The following MED17 variants were observed in gnomAD, a reference collection of about 807,000 sequenced individuals.
MED17 encodes mediator of RNA polymerase II transcription subunit 17.
In MED17, 49 loss-of-function variants were observed where a neutral mutation model predicts 80.8. The observed-to-expected ratio is 0.61, with a 90% CI of 0.48 to 0.77. The LOEUF is 0.77. MED17 is among the 30% of genes least tolerant of loss of function. The pLI is 0.00. For missense variants in MED17, 718 were observed against 787.0 expected, an observed-to-expected ratio of 0.91 and a Z score of 1.05; for synonymous variants, 281 against 280.4, an observed-to-expected ratio of 1.00 and a Z score of -0.02.
chr11:93,810,004 G>A (rs1004214456), intron 11 of MED17, 128 bp downstream of exon 11: 63 of 928,190 alleles, frequency 6.8e-5, no homozygotes, highest in Middle Eastern at 2.2e-4. Flanking sequence ...TATTTACACC[G>A]AATGTTTATT....
intron 7 of MED17, 135 bp from the exon 8 acceptor site, chr11:93,797,400 T>C: frequency 1.2e-6 from 1 of 831,142 alleles, no homozygotes; most frequent in Admixed American, 2.0e-5. Flanking sequence ...GCTAGCATTT[T>C]TCTCCAAGGT....
chr11:93,807,574 A>G lies in MED17; in HGVS notation c.1523A>G (p.Asp508Gly). 6.2e-7 allele frequency: 1 copy of G among 1,613,744 alleles called. No individual in the cohort carries two copies. The highest frequency in any genetic ancestry group is 8.5e-7 in the Non-Finnish European group (1 of 1,179,704). Residue 508 changes from aspartate to glycine, a missense_variant, in exon 10 of 12, where the codon GAT becomes GGT. Physicochemically the swap from Asp to Gly is moderately conservative, Grantham distance 94. Coordinates refer to ENST00000251871, the MANE Select transcript of MED17 (RefSeq NM_004268.5). ...GVEQIRVVHR[D>G]GRVITLSYQE... is the part of the protein sequence containing the mutation. ...GAGCAGATTCGAGTTGTACATAGAGATGGAAGAGTAATTACACTGTCTTAT... is the reference window on the plus strand; with the variant it reads ...GAGCAGATTCGAGTTGTACATAGAGGTGGAAGAGTAATTACACTGTCTTAT...
At chr11:93,804,018 T>C (rs1258413394) in intron 9 of MED17, among the ~76,000 whole-genome samples, 2 of 118,626 alleles carry the variant, frequency 1.7e-5, no homozygotes, top group East Asian at 7.7e-4. Context: ...TATATATATA[T>C]ATATATATAC....
At chr11:93,803,012 C>T (rs1309022470) in intron 9 of MED17, among the ~76,000 whole-genome samples, 2 of 152,038 alleles carry the variant, frequency 1.3e-5, no homozygotes, top group African/African-American at 2.4e-5. Flanking sequence ...CTTTTTGTCT[C>T]AGTTTGTGTT....
rs753523934 is a variant in MED17 at position 93,807,615 on chromosome 11, C to G, written c.1564C>G (p.Gln522Glu). The G allele has an allele frequency of 5.0e-6, 8 of 1,609,204 alleles. No homozygotes were observed. In the East Asian group the frequency reaches 1.8e-4, roughly 36 times the overall value. ...ITLSYQEQEL[Q>E]DFLLSQMSQH... is the part of the protein sequence containing the mutation. ...ACTGTCTTATCAGGAGCAGGAGCTA[C>G]AGGATTTTCTTCTGTCTCAGGTAAC... The change falls in exon 10 of 12, where the codon CAG (glutamine) becomes GAG (glutamate). Residue 522 changes from glutamine to glutamate, a missense_variant. Transcript: ENST00000251871.
chr11:93,789,369 T>A (rs1287922475), intron 2 of MED17: 2 of 152,202 alleles, frequency 1.3e-5, no homozygotes, highest in East Asian at 3.9e-4. Context: ...CTCCAGCACC[T>A]AACTCATAGC....
At chr11:93,794,199 ATTTTTTTT>A (rs35300764) in intron 5 of MED17, 164 bp downstream of exon 5, 5 of 328,230 alleles carry the variant, frequency 1.5e-5, no homozygotes, top group African/African-American at 8.7e-5. Context: ...TAGCTGTGCA[ATTTTTTTT>A]TTTTTTTTTT....
chr11:93,812,074 G>A lies in MED17; in HGVS notation c.*10G>A, dbSNP rs918145258. The A allele has an allele frequency of 1.4e-5, 22 of 1,612,372 alleles. No individual in the cohort carries two copies. The highest frequency in any genetic ancestry group is 1.9e-5 in the Non-Finnish European group (22 of 1,178,526). ...CCCTTGTCTACTATGATTTTTTCCA[G>A]ATGTTTCCTAAAGAAGTTTCCAGAA... On this transcript the variant is annotated 3_prime_UTR_variant, in exon 12 of 12. Transcript: ENST00000251871.
Position 93,784,347 on chromosome 11 carries a change from A to T in MED17, c.-167A>T, listed in dbSNP as rs1013285177. ...TGCGTTCTGGGAAAGTTGCTGGGCC[A>T]GCTCCTTTGTTTCCAGTCTGAGCGT... On this transcript the variant is annotated 5_prime_UTR_variant, in exon 1 of 12. Transcript: ENST00000251871. 84 of 890,432 alleles carry T rather than the reference A, an allele frequency of 9.4e-5. No homozygotes were observed. Among genetic ancestry groups the T allele is most frequent in the Non-Finnish European group, 1.1e-4 (70 of 608,772 alleles). 55.2% of individuals were successfully genotyped at this position (890,432 alleles called of 1,614,324 possible).
chr11:93,801,289 T>G (rs1943959165), intron 8 of MED17: 1 of 155,774 alleles, frequency 6.4e-6, no homozygotes, highest in Admixed American at 6.3e-5. Flanking sequence ...TGCTGTATAA[T>G]GAACACTTGA....
At chr11:93,809,954 G>A in intron 11 of MED17, 78 bp downstream of exon 11, 1 of 1,410,042 alleles carries the variant, frequency 7.1e-7, no homozygotes, top group Non-Finnish European at 1.0e-6. Context: ...TTAAATATGG[G>A]TAAGAGTAAT....
At chr11:93,791,187 G>A (rs1385378999) in intron 3 of MED17, among the ~76,000 whole-genome samples, 3 of 152,312 alleles carry the variant, frequency 2.0e-5, no homozygotes, top group African/African-American at 7.2e-5. Context: ...TCAGCTATGT[G>A]TTACGTTTCA....
At chr11:93,804,413 A>C (rs189781974) in intron 9 of MED17, among the ~76,000 whole-genome samples, 53 of 152,226 alleles carry the variant, frequency 3.5e-4, no homozygotes, top group African/African-American at 1.2e-3. Context: ...GTATCCTTCA[A>C]TCCAATCAAG....
rs1231299643 is a variant in MED17 at position 93,793,945 on chromosome 11, A to G, written c.775-6A>G. 18 of 1,613,756 alleles carry G rather than the reference A, an allele frequency of 1.1e-5. No homozygotes were observed. The South Asian group carries it at 1.8e-4, about 16-fold the overall frequency. ...GTTAACTTTTTTTGTTTTTGTTGTC[A>G]TATAGGTTTCAATACAAAAACAGGC... is the stretch of plus-strand genomic sequence containing the variant. On this transcript the variant is annotated splice_region_variant and splice_polypyrimidine_tract_variant and intron_variant, in intron 4 of 11. Coordinates refer to ENST00000251871, the MANE Select transcript of MED17 (RefSeq NM_004268.5).
chr11:93,812,449 T>G lies in MED17; in HGVS notation c.*385T>G, dbSNP rs1027835038. The G allele has an allele frequency of 4.2e-5, 17 of 404,414 alleles. No individual in the cohort carries two copies. Among genetic ancestry groups the G allele is most frequent in the African/African-American group, 3.1e-4 (15 of 48,570 alleles). The allele number at this position is 404,414 out of a possible 1,614,324, so 25.1% of individuals were successfully genotyped here. ...TCCCCCCAAATACTTTCTAAACTTT[T>G]TTTTTTTGAGATGGTATCTCACTCT... On this transcript the variant is annotated 3_prime_UTR_variant, in exon 12 of 12. Transcript: ENST00000251871.
intron 11 of MED17, 85 bp from the exon 12 acceptor site, chr11:93,811,768 C>A: frequency 1.6e-6 from 2 of 1,244,352 alleles, no homozygotes; most frequent in Non-Finnish European, 2.4e-6. Context: ...TTTGTATTCA[C>A]AGTAGAATGG....
Position 93,812,061 on chromosome 11 carries a change from A to G in MED17, c.1953A>G (p.Leu651=). The G allele has an allele frequency of 6.2e-7, 1 of 1,613,876 alleles. No individual in the cohort carries two copies. The highest frequency in any genetic ancestry group is 8.5e-7 in the Non-Finnish European group (1 of 1,179,788). ...TGTCTGCACTTAGCCCTTGTCTACTATGATTTTTTCCAGATGTTTCCTAAA... is the reference window on the plus strand; with the variant it reads ...TGTCTGCACTTAGCCCTTGTCTACTGTGATTTTTTCCAGATGTTTCCTAAA... ...LLMSALSPCL[L] Residue 651 remains leucine (L), a synonymous_variant, in exon 12 of 12, where the codon CTA becomes CTG. Coordinates refer to ENST00000251871, the MANE Select transcript of MED17 (RefSeq NM_004268.5).
chr11:93,795,236 G>T (rs1943887432), intron 6 of MED17, 176 bp downstream of exon 6: 1 of 737,936 alleles, frequency 1.4e-6, no homozygotes, highest in African/African-American at 1.8e-5. Flanking sequence ...AATCTGTTCT[G>T]TCCTAAATAG....
intron 5 of MED17, 140 bp downstream of exon 5, chr11:93,794,175 A>G (rs984159716): frequency 4.5e-6 from 3 of 668,674 alleles, no homozygotes; most frequent in Middle Eastern, 2.9e-4. Flanking sequence ...ATTTATCAAT[A>G]AACTATTAGT....
Sources: allele counts gnomAD v4.1 joint callset (sites outside exome capture counted in the v4.1 genomes callset), GRCh38; gene constraint gnomAD v4.1.1; transcripts MANE v1.5; gene names NCBI Gene and HGNC (gene_info 2026-07-23, HGNC 2026-07-21).